KIAA0825: variants seen among roughly 807,000 people sequenced by gnomAD.
KIAA0825 encodes KIAA0825, also known as uncharacterized protein KIAA0825.
In KIAA0825, 119 loss-of-function variants were observed where a neutral mutation model predicts 147.6. The observed-to-expected ratio is 0.81, with a 90% CI of 0.69 to 0.94. The LOEUF (loss-of-function observed/expected upper bound fraction) is 0.94. KIAA0825 is among the 40% of genes least tolerant of loss of function. The probability of loss-of-function intolerance (pLI) is 0.00; values close to 1 mark genes in which losing one functional copy is unlikely to be tolerated. For missense variants in KIAA0825, 1,381 were observed against 1,472.7 expected (o/e 0.94, Z 1.02); for synonymous variants, 470 against 518.1 (o/e 0.91, Z 1.26).
At chr5:94,597,883 A>AT (rs1296540306) in intron 1 of KIAA0825, among the ~76,000 whole-genome samples, 40 of 152,314 alleles carry the variant, frequency 2.6e-4, no homozygotes, top group African/African-American at 9.4e-4. Flanking sequence ...AAGGTATGGT[A>AT]AAAATATAGT....
intron 20 of KIAA0825, among the ~76,000 whole-genome samples, chr5:94,286,563 T>G (rs1384626083): frequency 1.3e-5 from 2 of 152,124 alleles, no homozygotes; most frequent in African/African-American, 4.8e-5. Context: ...TTTTTTCTTT[T>G]TTTTTTAGAG....
In KIAA0825 at chr5:94,331,261, T is replaced by C. The variant is rs75473231; in HGVS notation, c.3710+53107A>G. 5.1e-3 allele frequency among the ~76,000 whole-genome samples: 772 copies of C among 152,146 alleles called. 8 individuals carry two copies. Among genetic ancestry groups the C allele is most frequent in the Non-Finnish European group, 8.7e-3 (592 of 67,984 alleles). ...AAAGGAGGGATATCACTATAGACTC[T>C]AGAAGCATTAAAGGGATAATAAAGG... On this transcript the variant is annotated intron_variant, in intron 20 of 20. Coordinates refer to ENST00000682413, the MANE Select transcript of KIAA0825 (RefSeq NM_001145678.3).
chr5:94,421,096 G>T (rs148474797), intron 14 of KIAA0825, among the ~76,000 whole-genome samples: 16 of 152,128 alleles, frequency 1.1e-4, no homozygotes, highest in African/African-American at 3.6e-4. Context: ...TTTTATCTGG[G>T]GTTGGCAAAT....
At chr5:94,280,361 C>A (rs1202818939) in intron 20 of KIAA0825, among the ~76,000 whole-genome samples, 1 of 151,956 alleles carries the variant, frequency 6.6e-6, no homozygotes, top group Non-Finnish European at 1.5e-5. Flanking sequence ...GTTCGGTTAG[C>A]CATGAGGGAT....
At chr5:94,591,725 TAAAG>T (rs1784388335) in intron 1 of KIAA0825, among the ~76,000 whole-genome samples, 2 of 152,194 alleles carry the variant, frequency 1.3e-5, no homozygotes, top group Admixed American at 1.3e-4. Flanking sequence ...CACACTGCTA[TAAAG>T]AAATACCCGA....
chr5:94,281,198 AAC>A (rs34358354), intron 20 of KIAA0825, among the ~76,000 whole-genome samples: 11,874 of 144,936 alleles, frequency 0.082, 492 homozygotes, highest in South Asian at 0.11. Context: ...TAAGTGATTT[AAC>A]ACACACACAC....
chr5:94,270,481 G>A (rs188397906), intron 20 of KIAA0825, among the ~76,000 whole-genome samples: 11 of 152,146 alleles, frequency 7.2e-5, no homozygotes, highest in Admixed American at 6.5e-4. Flanking sequence ...AAAGAACGAT[G>A]AGGGATTCTA....
intron 20 of KIAA0825, among the ~76,000 whole-genome samples, chr5:94,296,608 A>G (rs1365780497): frequency 1.3e-5 from 2 of 152,118 alleles, no homozygotes; most frequent in Non-Finnish European, 2.9e-5. Context: ...GCCGGAGTGC[A>G]CCGTTCCTCA....
At chr5:94,546,741 C>T (rs1774461199) in intron 2 of KIAA0825, among the ~76,000 whole-genome samples, 1 of 149,566 alleles carries the variant, frequency 6.7e-6, no homozygotes, top group Non-Finnish European at 1.5e-5. Flanking sequence ...CACAAACAAG[C>T]CCAGCCTGTG....
intron 1 of KIAA0825, among the ~76,000 whole-genome samples, chr5:94,586,598 AAT>A (rs1783335489): frequency 6.6e-6 from 1 of 152,218 alleles, no homozygotes; most frequent in Admixed American, 6.5e-5. Flanking sequence ...TTCACAGCCA[AAT>A]TCTACCAGAG....
At chr5:94,160,464 C>CTGCATATCTGTATATAG (rs1382096497) in intron 20 of KIAA0825, among the ~76,000 whole-genome samples, 1 of 148,740 alleles carries the variant, frequency 6.7e-6, no homozygotes, top group East Asian at 2.0e-4. Flanking sequence ...CTGTATATAT[C>CTGCATATCTGTATATAG]TGCATATCTG....
At chr5:94,230,611 T>C (rs1435021533) in intron 20 of KIAA0825, among the ~76,000 whole-genome samples, 2 of 152,214 alleles carry the variant, frequency 1.3e-5, no homozygotes, top group African/African-American at 4.8e-5. Flanking sequence ...AAAAATACCA[T>C]TTCTGTTATT....
At chr5:94,333,908 T>C (rs1036072283) in intron 20 of KIAA0825, among the ~76,000 whole-genome samples, 22 of 152,226 alleles carry the variant, frequency 1.4e-4, no homozygotes, top group Middle Eastern at 6.8e-3. Flanking sequence ...TTTGAAGGAC[T>C]TCTTCAAGGA....
At chr5:94,609,960 G>C (rs904103078) in intron 1 of KIAA0825, among the ~76,000 whole-genome samples, 1 of 152,152 alleles carries the variant, frequency 6.6e-6, no homozygotes, top group Non-Finnish European at 1.5e-5. Context: ...ACTGCCATGA[G>C]CATTTCCGAT....
chr5:94,283,336 TA>T (rs1470159694), intron 20 of KIAA0825, among the ~76,000 whole-genome samples: 3 of 152,110 alleles, frequency 2.0e-5, no homozygotes, highest in Admixed American at 6.6e-5. Flanking sequence ...TTGTCACAAT[TA>T]ATCAGTGGTA....
intron 12 of KIAA0825, among the ~76,000 whole-genome samples, chr5:94,453,660 T>A (rs1758722887): frequency 6.6e-6 from 1 of 152,132 alleles, no homozygotes; most frequent in South Asian, 2.1e-4. Flanking sequence ...TAAAACAATC[T>A]TTACACTTGG....
At chr5:94,356,528 C>T (rs1305508499) in intron 20 of KIAA0825, among the ~76,000 whole-genome samples, 1 of 151,118 alleles carries the variant, frequency 6.6e-6, no homozygotes, top group Admixed American at 6.6e-5. Context: ...AGGAGAATGG[C>T]GTGCACCCGG....
chr5:94,312,036 C>T (rs1424051506), intron 20 of KIAA0825, among the ~76,000 whole-genome samples: 1 of 151,586 alleles, frequency 6.6e-6, no homozygotes, highest in Admixed American at 6.6e-5. Flanking sequence ...TTTCAAAGGT[C>T]TATGCTGTGG....
chr5:94,348,976 T>C (rs1056235951), intron 20 of KIAA0825, among the ~76,000 whole-genome samples: 1 of 152,170 alleles, frequency 6.6e-6, no homozygotes, highest in Non-Finnish European at 1.5e-5. Context: ...GTAAATGACC[T>C]AAATGCTCCA....
Sources: gnomAD v4.1 joint callset for allele counts (sites outside exome capture counted in the v4.1 genomes callset) on GRCh38, gnomAD v4.1.1 for gene constraint, MANE v1.5 for transcripts, NCBI Gene and HGNC (gene_info 2026-07-23, HGNC 2026-07-21) for gene names.